The following KCNQ3 variants were observed in gnomAD, a reference collection of about 807,000 sequenced individuals.
The protein encoded by KCNQ3 is potassium voltage-gated channel subfamily Q member 3.
A neutral mutation model predicts 92.5 loss-of-function variants in KCNQ3; 30 were observed. The observed-to-expected ratio is 0.32, with a 90% confidence interval of 0.24 to 0.44. The LOEUF (loss-of-function observed/expected upper bound fraction) is 0.44. KCNQ3 is among the 20% of genes least tolerant of loss of function. KCNQ3 has a pLI of 1.00. For synonymous variants in KCNQ3, 450 were observed against 468.8 expected, an observed-to-expected ratio of 0.96 and a Z score of 0.52; for missense variants, 913 against 1,140.3, an observed-to-expected ratio of 0.80 and a Z score of 2.87.
chr8:132,189,829 A>G (rs2130208374), intron 1 of KCNQ3, among the ~76,000 whole-genome samples: 1 of 144,308 alleles, frequency 6.9e-6, no homozygotes, highest in East Asian at 1.9e-4. Flanking sequence ...CTCCATCTCA[A>G]AAAAAAAAAG....
chr8:132,340,203 C>A (rs939488141), intron 1 of KCNQ3, among the ~76,000 whole-genome samples: 1 of 152,134 alleles, frequency 6.6e-6, no homozygotes, highest in Non-Finnish European at 1.5e-5. Context: ...GACAGTATGG[C>A]GATTCCTCAA....
In KCNQ3 at chr8:132,455,719, G is replaced by A. The variant is rs553318257; in HGVS notation, c.386+24428C>T. Among the ~76,000 whole-genome samples the A allele has an allele frequency of 9.9e-5, 15 of 152,200 alleles. 1 individual carries two copies. The East Asian group carries it at 1.9e-3, about 20-fold the overall frequency. On this transcript the variant is annotated intron_variant, in intron 1 of 14. Transcript: ENST00000388996. The stretch of plus-strand genomic sequence containing the variant: ...CTAACTAACTCATGTAATCCTCACC[G>A]GCACCCTTAGAGGTGGATACTTTTT...
At chr8:132,176,099 T>C (rs1826542908) in intron 4 of KCNQ3, among the ~76,000 whole-genome samples, 1 of 152,220 alleles carries the variant, frequency 6.6e-6, no homozygotes, top group Non-Finnish European at 1.5e-5. Flanking sequence ...AGTATCTTCA[T>C]TTGTTAAATG....
intron 1 of KCNQ3, among the ~76,000 whole-genome samples, chr8:132,466,231 GA>G (rs1304216169): frequency 5.9e-5 from 9 of 151,570 alleles, no homozygotes; most frequent in Admixed American, 2.6e-4. Flanking sequence ...TAATGAGGGG[GA>G]AAAAACACTA....
chr8:132,301,257 C>T (rs1324542176), intron 1 of KCNQ3, among the ~76,000 whole-genome samples: 1 of 152,174 alleles, frequency 6.6e-6, no homozygotes, highest in South Asian at 2.1e-4. Context: ...CGCTCTGGCT[C>T]ACCCATCCGA....
intron 1 of KCNQ3, among the ~76,000 whole-genome samples, chr8:132,251,286 G>A (rs1380553928): frequency 6.6e-6 from 1 of 152,120 alleles, no homozygotes; most frequent in Non-Finnish European, 1.5e-5. Context: ...GCATGCTTTT[G>A]TATTGCCCTC....
chr8:132,460,833 C>A (rs939823422), intron 1 of KCNQ3, among the ~76,000 whole-genome samples: 9 of 152,170 alleles, frequency 5.9e-5, no homozygotes, highest in African/African-American at 2.2e-4. Flanking sequence ...ATTACGGAAT[C>A]ACACAGAATA....
In KCNQ3 at chr8:132,124,404, C is replaced by T. The variant is rs1824597104; in HGVS notation, c.*4858G>A. 1 of 152,192 alleles carries T rather than the reference C, an allele frequency of 6.6e-6. No individual in the cohort carries two copies. The highest frequency in any genetic ancestry group is 2.4e-5 in the African/African-American group (1 of 41,456). 9.4% of individuals were successfully genotyped at this position (152,192 alleles called of 1,614,324 possible). ...TATGCATCAGTCATTGTACTAGAGG[C>T]TTTGTGTGTACATTGATTGTCTCAC... On this transcript the variant is annotated 3_prime_UTR_variant, in exon 15 of 15. Transcript: ENST00000388996.
intron 1 of KCNQ3, among the ~76,000 whole-genome samples, chr8:132,448,734 T>A (rs1485701234): frequency 6.6e-6 from 1 of 152,212 alleles, no homozygotes; most frequent in East Asian, 1.9e-4. Flanking sequence ...TAAAAATATC[T>A]CCCAAACTTC....
chr8:132,377,709 T>C (rs1819648152), intron 1 of KCNQ3, among the ~76,000 whole-genome samples: 1 of 152,238 alleles, frequency 6.6e-6, no homozygotes. Flanking sequence ...GCTTGATAAA[T>C]ATTAGTGGAA....
chr8:132,447,956 G>A (rs919702191), intron 1 of KCNQ3, among the ~76,000 whole-genome samples: 13 of 152,154 alleles, frequency 8.5e-5, no homozygotes, highest in South Asian at 2.1e-4. Context: ...ACACTACAGC[G>A]TAACCAAATC....
chr8:132,139,940 A>G (rs1374957057), intron 11 of KCNQ3, 136 bp downstream of exon 11: 2 of 644,794 alleles, frequency 3.1e-6, no homozygotes, highest in African/African-American at 3.6e-5. Context: ...TACTTCAGGG[A>G]CCTAACTCAG....
chr8:132,201,099 C>T (rs1827443867), intron 1 of KCNQ3, among the ~76,000 whole-genome samples: 2 of 152,130 alleles, frequency 1.3e-5, no homozygotes, highest in Admixed American at 6.5e-5. Context: ...TCCACTCTTG[C>T]AATAACAAAC....
chr8:132,320,256 T>C (rs1428553555), intron 1 of KCNQ3, among the ~76,000 whole-genome samples: 1 of 152,194 alleles, frequency 6.6e-6, no homozygotes, highest in Non-Finnish European at 1.5e-5. Flanking sequence ...TTACCAGATA[T>C]GTGACCTTGC....
At chr8:132,387,152 A>G (rs1819910435) in intron 1 of KCNQ3, among the ~76,000 whole-genome samples, 1 of 152,240 alleles carries the variant, frequency 6.6e-6, no homozygotes, top group Admixed American at 6.5e-5. Context: ...GAGAGTTTAG[A>G]GCATATTAAA....
Position 132,420,757 on chromosome 8 carries a change from C to T in KCNQ3, c.386+59390G>A, listed in dbSNP as rs568529260. On this transcript the variant is annotated intron_variant, in intron 1 of 14. Coordinates refer to ENST00000388996, the MANE Select transcript of KCNQ3 (RefSeq NM_004519.4). ...ATGATGTTGCAAAAGCAACATGTTTCTGTGCTTTCCATGTGTTTTGCATTT... is the reference window on the plus strand; with the variant it reads ...ATGATGTTGCAAAAGCAACATGTTTTTGTGCTTTCCATGTGTTTTGCATTT... 2.0e-5 allele frequency among the ~76,000 whole-genome samples: 3 copies of T among 152,268 alleles called. No individual in the cohort carries two copies. The South Asian group carries it at 6.2e-4, about 32-fold the overall frequency.
chr8:132,411,367 C>T (rs1015976369), intron 1 of KCNQ3, among the ~76,000 whole-genome samples: 4 of 152,034 alleles, frequency 2.6e-5, no homozygotes, highest in African/African-American at 4.8e-5. Flanking sequence ...CAGGGGACAC[C>T]GACATGGGAT....
intron 1 of KCNQ3, among the ~76,000 whole-genome samples, chr8:132,207,740 A>G (rs17595767): frequency 0.32 from 48,288 of 151,604 alleles, 9,431 homozygotes; most frequent in Middle Eastern, 0.47. Flanking sequence ...CCTTTCTACA[A>G]ATGGCCCCAC....
At chr8:132,241,385 G>A (rs1350119639) in intron 1 of KCNQ3, among the ~76,000 whole-genome samples, 2 of 151,818 alleles carry the variant, frequency 1.3e-5, no homozygotes, top group African/African-American at 4.8e-5. Flanking sequence ...AAATAATTTT[G>A]CTATAGTTAT....
Sources: gnomAD v4.1 joint callset for allele counts (sites outside exome capture counted in the v4.1 genomes callset) on GRCh38, gnomAD v4.1.1 for gene constraint, MANE v1.5 for transcripts, NCBI Gene and HGNC (gene_info 2026-07-23, HGNC 2026-07-21) for gene names.